Variants in MLIP observed in about 807,000 individuals in gnomAD.
The protein encoded by MLIP is muscular LMNA interacting protein.
MLIP carries 79 observed loss-of-function variants against 84.8 expected under a neutral mutation model. The observed-to-expected ratio is 0.93, with a 90% CI of 0.78 to 1.12. MLIP has a LOEUF of 1.12. MLIP is among the 50% of genes most tolerant of loss of function. MLIP has a pLI of 0.00. For synonymous variants in MLIP, 504 were observed against 463.0 expected (o/e 1.09, Z -1.14); for missense variants, 1,257 against 1,160.6 (o/e 1.08, Z -1.21).
At chr6:54,173,674 A>G (rs529477981) in intron 9 of MLIP, among the ~76,000 whole-genome samples, 5 of 151,988 alleles carry the variant, frequency 3.3e-5, no homozygotes, top group East Asian at 1.9e-4. Context: ...TAATTACATC[A>G]TGGAAAATGG....
At chr6:54,152,385 G>A (rs113890982) in intron 5 of MLIP, among the ~76,000 whole-genome samples, 1,906 of 152,150 alleles carry the variant, frequency 0.013, 45 homozygotes, top group African/African-American at 0.044. Context: ...AACTGAGACC[G>A]GAAGAAAAAG....
chr6:54,202,578 G>A (rs985545543), intron 11 of MLIP, among the ~76,000 whole-genome samples: 2 of 151,738 alleles, frequency 1.3e-5, no homozygotes, highest in Admixed American at 6.6e-5. Flanking sequence ...GGTCATATAG[G>A]TGTTGCATTC....
Position 54,160,386 on chromosome 6 carries a change from A to G in MLIP, c.2309A>G (p.Lys770Arg). The G allele has an allele frequency of 6.2e-7, 1 of 1,612,426 alleles. No individual in the cohort carries two copies. Among genetic ancestry groups the G allele is most frequent in the Non-Finnish European group, 8.5e-7 (1 of 1,179,070 alleles). The change falls in exon 6 of 14, where the codon AAG (lysine) becomes AGG (arginine). Residue 770 changes from lysine to arginine, a missense_variant. Transcript: ENST00000502396. ...LEQKALDEPA[K>R]TESVSKDNTL... ...CACTAGGCACTAGATGAACCAGCCA[A>G]GACTGAAAGTGTCTCCAAGGACAAC...
chr6:54,096,533 C>G (rs1396357474), intron 1 of MLIP, among the ~76,000 whole-genome samples: 3 of 152,130 alleles, frequency 2.0e-5, no homozygotes, highest in African/African-American at 7.2e-5. Context: ...AAGCCCACAG[C>G]TGGTGAAGCC....
chr6:54,209,571 G>T (rs1779272822), intron 11 of MLIP, among the ~76,000 whole-genome samples: 1 of 152,148 alleles, frequency 6.6e-6, no homozygotes, highest in African/African-American at 2.4e-5. Context: ...TTCAAAGTTG[G>T]TGTTTCTTTA....
chr6:54,204,642 G>C (rs1778917474), intron 11 of MLIP, among the ~76,000 whole-genome samples: 1 of 152,134 alleles, frequency 6.6e-6, no homozygotes, highest in Non-Finnish European at 1.5e-5. Flanking sequence ...TTTACGACAT[G>C]TACTGTCTAC....
intron 1 of MLIP, among the ~76,000 whole-genome samples, chr6:54,058,193 T>G (rs2025658): frequency 0.99 from 150,209 of 152,248 alleles, 74,140 homozygotes; most frequent in East Asian, 1. Context: ...TGAATGGAAA[T>G]GCTGTGTTTA....
At chr6:54,230,622 G>C in intron 11 of MLIP, 92 bp from the exon 12 acceptor site, 1 of 1,122,822 alleles carries the variant, frequency 8.9e-7, no homozygotes, top group South Asian at 1.4e-5. Flanking sequence ...ACTGGTAAGA[G>C]ATTCTGACCT....
intron 4 of MLIP, among the ~76,000 whole-genome samples, chr6:54,148,048 C>T (rs1263523831): frequency 6.6e-6 from 1 of 152,086 alleles, no homozygotes; most frequent in Non-Finnish European, 1.5e-5. Context: ...TTTAATGAAG[C>T]TTCCTTCAAT....
At chr6:54,059,000 C>G (rs952669614) in intron 1 of MLIP, 1 of 152,024 alleles carries the variant, frequency 6.6e-6, no homozygotes, top group Non-Finnish European at 1.5e-5. Flanking sequence ...GTATCAACAA[C>G]AAAAAAGTAA....
At chr6:54,199,018 T>C (rs1935502336) in intron 10 of MLIP, among the ~76,000 whole-genome samples, 1 of 152,042 alleles carries the variant, frequency 6.6e-6, no homozygotes, top group South Asian at 2.1e-4. Context: ...TTAGGATGGC[T>C]AATGAAAAGA....
intron 11 of MLIP, chr6:54,216,703 T>C: frequency 1.0e-6 from 1 of 985,386 alleles, no homozygotes; most frequent in Non-Finnish European, 1.2e-6. Context: ...GGATTCAAAA[T>C]ATATGTGTTG....
chr6:54,095,719 G>T (rs530874376), intron 1 of MLIP, among the ~76,000 whole-genome samples: 2 of 152,312 alleles, frequency 1.3e-5, no homozygotes, highest in East Asian at 3.9e-4. Context: ...AGCTTCGAGT[G>T]AAAGAGCTTA....
intron 12 of MLIP, among the ~76,000 whole-genome samples, chr6:54,248,657 C>A (rs1437497676): frequency 1.3e-5 from 2 of 152,116 alleles, no homozygotes; most frequent in Non-Finnish European, 2.9e-5. Flanking sequence ...TTCTAACATG[C>A]CTTAAGTCTT....
intron 1 of MLIP, among the ~76,000 whole-genome samples, chr6:54,053,849 G>A (rs1300827798): frequency 6.6e-6 from 1 of 152,146 alleles, no homozygotes; most frequent in Non-Finnish European, 1.5e-5. Flanking sequence ...ACTGATACAA[G>A]TGCACTAGTG....
chr6:54,098,816 G>A (rs967918981), intron 1 of MLIP, among the ~76,000 whole-genome samples: 2 of 152,132 alleles, frequency 1.3e-5, no homozygotes, highest in Non-Finnish European at 2.9e-5. Flanking sequence ...AAAGGCGTAT[G>A]TAACTCATGT....
At chr6:54,113,554 T>A (rs991125591) in intron 1 of MLIP, among the ~76,000 whole-genome samples, 1 of 152,156 alleles carries the variant, frequency 6.6e-6, no homozygotes, top group Non-Finnish European at 1.5e-5. Flanking sequence ...ATGACACATA[T>A]CTTTAAAGGC....
intron 1 of MLIP, chr6:54,030,520 A>G (rs1764068239): frequency 6.6e-6 from 1 of 152,162 alleles, no homozygotes; most frequent in African/African-American, 2.4e-5. Context: ...AAAGAAGAAC[A>G]TAAGTACACG....
chr6:54,166,555 A>C (rs1311014939), intron 8 of MLIP, among the ~76,000 whole-genome samples: 1 of 151,726 alleles, frequency 6.6e-6, no homozygotes, highest in Non-Finnish European at 1.5e-5. Flanking sequence ...AGAACTCCGT[A>C]GTCTCTCTGT....
Sources: gnomAD v4.1 joint callset for allele counts (sites outside exome capture counted in the v4.1 genomes callset) on GRCh38, gnomAD v4.1.1 for gene constraint, MANE v1.5 for transcripts, NCBI Gene and HGNC (gene_info 2026-07-23, HGNC 2026-07-21) for gene names.